EYS: variants seen among roughly 807,000 people sequenced by gnomAD.
The protein encoded by EYS is protein eyes shut homolog.
A neutral mutation model predicts 282.1 loss-of-function variants in EYS; 250 were observed. That is an observed-to-expected ratio of 0.89 (90% CI 0.80 to 0.98). The LOEUF is 0.98. Among genes scored for constraint, EYS ranks in the 50% least tolerant of loss-of-function variants. EYS has a pLI of 0.00. For synonymous variants in EYS, 1,355 were observed against 1,282.9 expected (o/e 1.06, Z -1.20); for missense variants, 4,016 against 3,709.0 (o/e 1.08, Z -2.15).
intron 14 of EYS, among the ~76,000 whole-genome samples, chr6:64,989,839 C>T (rs1444403417): frequency 6.8e-6 from 1 of 148,050 alleles, no homozygotes; most frequent in Non-Finnish European, 1.5e-5. Flanking sequence ...CACACTCACA[C>T]ACACTATAAC....
chr6:64,500,254 T>C (rs1776996737), intron 26 of EYS, among the ~76,000 whole-genome samples: 2 of 152,156 alleles, frequency 1.3e-5, no homozygotes, highest in South Asian at 4.1e-4. Flanking sequence ...GTAAATGGAA[T>C]AGACATCCAT....
chr6:64,434,059 G>T (rs902885376), intron 28 of EYS, among the ~76,000 whole-genome samples: 2 of 152,070 alleles, frequency 1.3e-5, no homozygotes, highest in East Asian at 3.9e-4. Context: ...CTTCAGAGAA[G>T]TAATAAGCTA....
At chr6:64,021,298 A>G (rs1484679960) in intron 33 of EYS, among the ~76,000 whole-genome samples, 1 of 152,054 alleles carries the variant, frequency 6.6e-6, no homozygotes, top group Non-Finnish European at 1.5e-5. Flanking sequence ...CACATGATCT[A>G]TCTCAAGGCA....
rs999507105 is a variant in EYS at position 64,550,952 on chromosome 6, T to C, written c.5644+39271A>G. On this transcript the variant is annotated intron_variant, in intron 26 of 42. Transcript: ENST00000503581. ...GAGAAATCTTTGTTTTTAATATTGCTTTTAATTCTAATAGTAATTACTTGA... is the reference window on the plus strand; with the variant it reads ...GAGAAATCTTTGTTTTTAATATTGCCTTTAATTCTAATAGTAATTACTTGA... Among the ~76,000 whole-genome samples the C allele has an allele frequency of 1.7e-3, 253 of 152,256 alleles. 3 individuals are homozygous for C. The highest frequency in any genetic ancestry group is 6.7e-3 in the Admixed American group (103 of 15,288).
chr6:65,353,876 T>G (rs930276688), intron 8 of EYS, among the ~76,000 whole-genome samples: 6 of 152,066 alleles, frequency 3.9e-5, no homozygotes, highest in Non-Finnish European at 8.8e-5. Context: ...GTCCCTAATC[T>G]TCTGTTTGAT....
intron 19 of EYS, among the ~76,000 whole-genome samples, chr6:64,876,514 T>C (rs1011581965): frequency 6.6e-6 from 1 of 152,242 alleles, no homozygotes; most frequent in African/African-American, 2.4e-5. Context: ...TAGGCACTCT[T>C]GTAGGTACTG....
intron 19 of EYS, among the ~76,000 whole-genome samples, chr6:64,851,510 G>A (rs958338043): frequency 6.6e-6 from 1 of 152,054 alleles, no homozygotes; most frequent in Non-Finnish European, 1.5e-5. Context: ...ATGTTATTTA[G>A]ATTAAATTGT....
At chr6:65,319,587 G>T (rs1209690391) in intron 11 of EYS, among the ~76,000 whole-genome samples, 1 of 152,046 alleles carries the variant, frequency 6.6e-6, no homozygotes, top group Non-Finnish European at 1.5e-5. Flanking sequence ...TTATTAAGAT[G>T]ATGTCCAAAC....
intron 14 of EYS, among the ~76,000 whole-genome samples, chr6:64,981,073 T>C (rs1770647857): frequency 6.6e-6 from 1 of 151,392 alleles, no homozygotes; most frequent in African/African-American, 2.4e-5. Context: ...AGAATTTGCC[T>C]AAGGTTATAA....
intron 26 of EYS, among the ~76,000 whole-genome samples, chr6:64,576,750 G>A (rs1328214): frequency 0.13 from 19,021 of 151,994 alleles, 1,291 homozygotes; most frequent in East Asian, 0.27. Context: ...TTTTCATGAT[G>A]TATCAGCCTT....
At chr6:63,776,825 C>T (rs1048974729) in intron 40 of EYS, among the ~76,000 whole-genome samples, 4 of 151,964 alleles carry the variant, frequency 2.6e-5, no homozygotes, top group African/African-American at 9.7e-5. Context: ...TTTCTAGATC[C>T]CTGTTTATTA....
intron 23 of EYS, among the ~76,000 whole-genome samples, chr6:64,621,384 A>T (rs1767442641): frequency 6.6e-6 from 1 of 152,160 alleles, no homozygotes; most frequent in Admixed American, 6.6e-5. Flanking sequence ...ACCTAAACCT[A>T]AAATAATTTT....
chr6:64,537,370 G>A (rs2149796968), intron 26 of EYS, among the ~76,000 whole-genome samples: 1 of 151,762 alleles, frequency 6.6e-6, no homozygotes, highest in East Asian at 1.9e-4. Flanking sequence ...GTATTCCATG[G>A]TGTATATGTG....
At chr6:64,409,131 C>T (rs1010614447) in intron 28 of EYS, among the ~76,000 whole-genome samples, 1 of 152,118 alleles carries the variant, frequency 6.6e-6, no homozygotes, top group Non-Finnish European at 1.5e-5. Context: ...TGATTTCATT[C>T]CCTTTTATGG....
chr6:63,955,673 G>A (rs560422294), intron 35 of EYS, among the ~76,000 whole-genome samples: 117 of 152,164 alleles, frequency 7.7e-4, no homozygotes, highest in Non-Finnish European at 1.2e-3. Flanking sequence ...TTTAAATGAA[G>A]AGTTTTGTTT....
At chr6:65,111,066 G>T (rs534608176) in intron 12 of EYS, among the ~76,000 whole-genome samples, 1 of 151,944 alleles carries the variant, frequency 6.6e-6, no homozygotes, top group South Asian at 2.1e-4. Flanking sequence ...TAGGAAATAT[G>T]TGCATAGAAA....
At chr6:63,933,232 A>T (rs1013196319) in intron 35 of EYS, among the ~76,000 whole-genome samples, 3 of 151,816 alleles carry the variant, frequency 2.0e-5, no homozygotes, top group South Asian at 2.1e-4. Flanking sequence ...TTTTTATTTT[A>T]ATTTAGTTTT....
At chr6:64,457,966 G>C (rs1054381100) in intron 26 of EYS, among the ~76,000 whole-genome samples, 2 of 151,568 alleles carry the variant, frequency 1.3e-5, no homozygotes. Flanking sequence ...TTTGCTTTGT[G>C]GTTACCATGG....
At chr6:63,752,885 T>C (rs981604731) in intron 41 of EYS, among the ~76,000 whole-genome samples, 1 of 152,026 alleles carries the variant, frequency 6.6e-6, no homozygotes, top group Non-Finnish European at 1.5e-5. Context: ...GTGTGATGGC[T>C]GGAATGTTTT....
Sources: allele counts gnomAD v4.1 joint callset (sites outside exome capture counted in the v4.1 genomes callset), GRCh38; gene constraint gnomAD v4.1.1; transcripts MANE v1.5; gene names NCBI Gene and HGNC (gene_info 2026-07-23, HGNC 2026-07-21).